WWOX: variants seen among roughly 807,000 people sequenced by gnomAD.
WWOX encodes WW domain containing oxidoreductase, also known as WW domain-containing oxidoreductase.
Under a neutral mutation model 46.2 loss-of-function variants are expected in WWOX, and 69 were observed. The ratio of observed to expected loss-of-function variants is 1.49; its 90% CI spans 1.23 to 1.82. The LOEUF (loss-of-function observed/expected upper bound fraction) is 1.82, where lower values mean the gene tolerates loss of function less well. Among genes scored for constraint, WWOX ranks in the 40% most tolerant of loss-of-function variants. The pLI is 0.00. For synonymous variants in WWOX, 359 were observed against 202.6 expected (o/e 1.77, Z -6.56); for missense variants, 919 against 542.6 (o/e 1.69, Z -6.89).
At chr16:78,214,248 C>T (rs72806828) in intron 5 of WWOX, among the ~76,000 whole-genome samples, 8,989 of 152,170 alleles carry the variant, frequency 0.059, 334 homozygotes, top group Non-Finnish European at 0.081. Context: ...AAGATCAGAC[C>T]GAGGGGTCCT....
At chr16:78,812,745 AT>A (rs58927723) in intron 8 of WWOX, among the ~76,000 whole-genome samples, 2,348 of 152,016 alleles carry the variant, frequency 0.015, 61 homozygotes, top group African/African-American at 0.046. Context: ...TAAAAAAAAA[AT>A]CTATCCAAAG....
At chr16:78,863,359 A>C (rs1597076283) in intron 8 of WWOX, among the ~76,000 whole-genome samples, 1 of 152,294 alleles carries the variant, frequency 6.6e-6, no homozygotes, top group East Asian at 1.9e-4. Context: ...TCTCTAGGCC[A>C]AGTGTTCTTA....
At chr16:78,621,347 C>T (rs975207398) in intron 8 of WWOX, among the ~76,000 whole-genome samples, 2 of 152,100 alleles carry the variant, frequency 1.3e-5, no homozygotes, top group African/African-American at 4.8e-5. Context: ...CACCCAGTTC[C>T]TCCTAGTGGG....
chr16:78,723,361 C>T (rs867796278), intron 8 of WWOX, among the ~76,000 whole-genome samples: 9 of 152,048 alleles, frequency 5.9e-5, no homozygotes, highest in African/African-American at 2.2e-4. Context: ...AAGAGCCTTC[C>T]CCTATGAGAA....
intron 8 of WWOX, among the ~76,000 whole-genome samples, chr16:79,126,614 C>G (rs2049761342): frequency 6.6e-6 from 1 of 152,122 alleles, no homozygotes; most frequent in Admixed American, 6.6e-5. Flanking sequence ...TCAATTAAAC[C>G]TCTTTCCTTT....
At chr16:78,917,805 C>G (rs371975779) in intron 8 of WWOX, among the ~76,000 whole-genome samples, 1 of 151,770 alleles carries the variant, frequency 6.6e-6, no homozygotes, top group East Asian at 1.9e-4. Context: ...GAGAAAAACC[C>G]GTATTGTGGA....
chr16:79,132,115 A>T (rs2150697561), intron 8 of WWOX, among the ~76,000 whole-genome samples: 1 of 141,544 alleles, frequency 7.1e-6, no homozygotes, highest in South Asian at 2.3e-4. Flanking sequence ...TCTCCCACCC[A>T]ACACTTGCAG....
At chr16:78,889,573 A>G (rs1030062695) in intron 8 of WWOX, among the ~76,000 whole-genome samples, 2 of 152,120 alleles carry the variant, frequency 1.3e-5, no homozygotes, top group Non-Finnish European at 2.9e-5. Context: ...CTCCACTAGG[A>G]GAAAACCGAG....
Position 78,562,316 on chromosome 16 carries a change from T to C in WWOX, c.1056+129564T>C, listed in dbSNP as rs1464912552. On this transcript the variant is annotated intron_variant, in intron 8 of 8. Coordinates refer to ENST00000566780, the MANE Select transcript of WWOX (RefSeq NM_016373.4). ...GAGCTCACTTTATCTCAAAAACCCA[T>C]GCATATTCTGCATCTACTCTGAATT... 2.6e-5 allele frequency among the ~76,000 whole-genome samples: 4 copies of C among 152,212 alleles called. No homozygotes were observed. In the East Asian group the frequency reaches 7.7e-4, roughly 29 times the overall value.
intron 8 of WWOX, among the ~76,000 whole-genome samples, chr16:78,794,087 G>A (rs1173680949): frequency 1.3e-5 from 2 of 152,010 alleles, no homozygotes; most frequent in Admixed American, 6.6e-5. Flanking sequence ...GTTAGGAGAT[G>A]GGGTCTTTTG....
At chr16:78,992,623 C>G (rs781663160) in intron 8 of WWOX, among the ~76,000 whole-genome samples, 1 of 152,154 alleles carries the variant, frequency 6.6e-6, no homozygotes, top group Non-Finnish European at 1.5e-5. Flanking sequence ...CTCCCCATCC[C>G]TTCCCATGAT....
At chr16:78,739,207 A>G (rs1163898113) in intron 8 of WWOX, among the ~76,000 whole-genome samples, 2 of 152,094 alleles carry the variant, frequency 1.3e-5, no homozygotes, top group Non-Finnish European at 2.9e-5. Flanking sequence ...CCCGGCTAAA[A>G]TTGTGTTTGC....
intron 8 of WWOX, among the ~76,000 whole-genome samples, chr16:79,148,967 C>A (rs1468237045): frequency 6.6e-6 from 1 of 151,964 alleles, no homozygotes. Context: ...TTCTATCTAG[C>A]CTGTCATGTC....
chr16:78,436,137 G>T (rs1454512956), intron 8 of WWOX, among the ~76,000 whole-genome samples: 1 of 152,084 alleles, frequency 6.6e-6, no homozygotes, highest in Non-Finnish European at 1.5e-5. Flanking sequence ...TTCCTGCCAC[G>T]ATGGCTGTTA....
chr16:79,202,301 C>G (rs957765547), intron 8 of WWOX, among the ~76,000 whole-genome samples: 3 of 152,150 alleles, frequency 2.0e-5, no homozygotes, highest in Admixed American at 6.5e-5. Context: ...TGGCCTTGAC[C>G]TGACTCAGTC....
chr16:78,808,840 C>A (rs1236780034), intron 8 of WWOX, among the ~76,000 whole-genome samples: 1 of 152,180 alleles, frequency 6.6e-6, no homozygotes, highest in Non-Finnish European at 1.5e-5. Context: ...CCATCAACCT[C>A]TACGGCTGCC....
rs906108543 is a variant in WWOX, at chr16:79,084,891, C to G, written c.1057-126717C>G. ...TATGTATATTTTACAGACACGGTCA[C>G]CCTGTCTAGGTATTAACAGTTATTA... On this transcript the variant is annotated intron_variant, in intron 8 of 8. Transcript: ENST00000566780. Among the ~76,000 whole-genome samples, 7 of 152,284 alleles carry G rather than the reference C, an allele frequency of 4.6e-5. 1 individual carries two copies. In the Middle Eastern group the frequency reaches 0.01, roughly 222 times the overall value.
chr16:78,669,310 T>C (rs2047406346), intron 8 of WWOX, among the ~76,000 whole-genome samples: 1 of 152,246 alleles, frequency 6.6e-6, no homozygotes, highest in South Asian at 2.1e-4. Flanking sequence ...GATTTGTGTC[T>C]ATAAACAAAG....
chr16:79,170,267 G>T (rs1053106833), intron 8 of WWOX, among the ~76,000 whole-genome samples: 5 of 152,178 alleles, frequency 3.3e-5, no homozygotes, highest in Non-Finnish European at 5.9e-5. Flanking sequence ...AAAACTGATA[G>T]TGTCATCTCC....
Sources: allele counts gnomAD v4.1 joint callset (sites outside exome capture counted in the v4.1 genomes callset), GRCh38; gene constraint gnomAD v4.1.1; transcripts MANE v1.5; gene names NCBI Gene and HGNC (gene_info 2026-07-23, HGNC 2026-07-21).